CADM2: variants seen among roughly 807,000 people sequenced by gnomAD.
CADM2 encodes the protein cell adhesion molecule 2, also known as immunoglobulin superfamily member 4D.
Under a neutral mutation model 49.8 loss-of-function variants are expected in CADM2, and 12 were observed. That is an observed-to-expected ratio of 0.24 (90% CI 0.15 to 0.39). The LOEUF (loss-of-function observed/expected upper bound fraction) is 0.39. Among genes scored for constraint, CADM2 ranks in the 10% least tolerant of loss-of-function variants. The probability of loss-of-function intolerance (pLI) is 1.00; values close to 1 mark genes in which losing one functional copy is unlikely to be tolerated. For missense variants in CADM2, 378 were observed against 492.3 expected (o/e 0.77, Z 2.20); for synonymous variants, 214 against 175.4 (o/e 1.22, Z -1.74).
intron 1 of CADM2, among the ~76,000 whole-genome samples, chr3:85,601,703 A>C (rs2063412166): frequency 6.6e-6 from 1 of 150,910 alleles, no homozygotes; most frequent in Non-Finnish European, 1.5e-5. Flanking sequence ...TTTTTTTCCT[A>C]GCCCATATCC....
rs146894215 is a variant in CADM2, at chr3:85,367,012, A to G, written c.62-359510A>G. On this transcript the variant is annotated intron_variant, in intron 1 of 9. Coordinates refer to ENST00000383699, the MANE Select transcript of CADM2 (RefSeq NM_001167675.2). The stretch of plus-strand genomic sequence containing the variant: ...TGCATAGTGTTCTGAAATGTATTTT[A>G]ACTGATTTCTCAAATAAATATTTCT... 2.6e-5 allele frequency among the ~76,000 whole-genome samples: 4 copies of G among 152,160 alleles called. No individual in the cohort carries two copies. The East Asian group carries it at 7.7e-4, about 29-fold the overall frequency.
intron 1 of CADM2, among the ~76,000 whole-genome samples, chr3:84,986,922 C>T (rs1000677133): frequency 6.6e-6 from 1 of 151,422 alleles, no homozygotes; most frequent in African/African-American, 2.4e-5. Flanking sequence ...TGTGGTGGCG[C>T]ATACCTGTAA....
chr3:86,066,771 G>A lies in CADM2; in HGVS notation c.1203G>A (p.Glu401=), dbSNP rs761711447. The A allele has an allele frequency of 1.1e-5, 17 of 1,609,546 alleles. No homozygotes were observed. The African/African-American group carries it at 1.7e-4, about 16-fold the overall frequency. The change falls in exon 10 of 10, where the codon GAG becomes GAA. Residue 401 remains glutamate, a synonymous_variant. Transcript: ENST00000383699. ...AAGTCAATGCTGAAGAGAAAAAAGAGTATTTCATTTAAGATGCAGGCCAAG... is the reference window on the plus strand; with the variant it reads ...AAGTCAATGCTGAAGAGAAAAAAGAATATTTCATTTAAGATGCAGGCCAAG... ...GSQVNAEEKK[E]YFI is the part of the protein sequence containing the mutation.
chr3:85,253,379 GC>G (rs767689817), intron 1 of CADM2, among the ~76,000 whole-genome samples: 3 of 151,982 alleles, frequency 2.0e-5, no homozygotes, highest in Non-Finnish European at 4.4e-5. Context: ...AAATCCTATA[GC>G]TTAGTTTCTT....
chr3:85,994,705 A>C (rs557706814), intron 8 of CADM2: 1 of 152,356 alleles, frequency 6.6e-6, no homozygotes, highest in African/African-American at 2.4e-5. Flanking sequence ...TGTCTCAGGA[A>C]CTAGGGAGCC....
intron 1 of CADM2, among the ~76,000 whole-genome samples, chr3:85,615,226 A>G (rs906810736): frequency 1.1e-4 from 17 of 151,672 alleles, no homozygotes; most frequent in African/African-American, 3.9e-4. Context: ...GAGAGAGAGA[A>G]AGAGAGAAAG....
chr3:85,209,506 T>G (rs1328221430), intron 1 of CADM2, among the ~76,000 whole-genome samples: 1 of 152,148 alleles, frequency 6.6e-6, no homozygotes, highest in Non-Finnish European at 1.5e-5. Context: ...TTTCTCAAAT[T>G]TCTCTGGAAA....
intron 1 of CADM2, among the ~76,000 whole-genome samples, chr3:84,970,104 C>G (rs1424321616): frequency 7.2e-6 from 1 of 138,070 alleles, no homozygotes; most frequent in Non-Finnish European, 1.5e-5. Flanking sequence ...TCTGATTAGT[C>G]CCTGAAGTGA....
At chr3:85,948,345 A>G (rs893833523) in intron 7 of CADM2, among the ~76,000 whole-genome samples, 1 of 151,426 alleles carries the variant, frequency 6.6e-6, no homozygotes, top group Admixed American at 6.6e-5. Flanking sequence ...CGTAACATGT[A>G]TCATAAATTT....
chr3:85,099,973 T>C (rs1002745649), intron 1 of CADM2, among the ~76,000 whole-genome samples: 1 of 150,540 alleles, frequency 6.6e-6, no homozygotes, highest in Non-Finnish European at 1.5e-5. Flanking sequence ...TTCCATACTG[T>C]TTTTTTTTCC....
At chr3:85,125,754 G>A (rs2039013700) in intron 1 of CADM2, among the ~76,000 whole-genome samples, 1 of 152,216 alleles carries the variant, frequency 6.6e-6, no homozygotes, top group East Asian at 1.9e-4. Flanking sequence ...CATAACTGTA[G>A]CATCCTGGAT....
chr3:85,747,566 T>C (rs1404387254), intron 2 of CADM2, among the ~76,000 whole-genome samples: 1 of 152,126 alleles, frequency 6.6e-6, no homozygotes, highest in African/African-American at 2.4e-5. Flanking sequence ...TCAACCCATC[T>C]TGGCTGAGCT....
At chr3:85,553,256 A>G (rs2061860899) in intron 1 of CADM2, among the ~76,000 whole-genome samples, 1 of 151,926 alleles carries the variant, frequency 6.6e-6, no homozygotes, top group Non-Finnish European at 1.5e-5. Context: ...CTGCTTACCA[A>G]GCATCTACCA....
intron 1 of CADM2, among the ~76,000 whole-genome samples, chr3:85,101,271 CA>C (rs1256821239): frequency 6.6e-6 from 1 of 151,900 alleles, no homozygotes; most frequent in South Asian, 2.1e-4. Context: ...AACAAACAAA[CA>C]AAAAACAAAT....
chr3:85,545,803 A>C (rs1203639766), intron 1 of CADM2, among the ~76,000 whole-genome samples: 1 of 152,158 alleles, frequency 6.6e-6, no homozygotes, highest in Non-Finnish European at 1.5e-5. Flanking sequence ...CTAGGGAAAA[A>C]AGTAAACCTG....
intron 1 of CADM2, among the ~76,000 whole-genome samples, chr3:85,589,958 T>C (rs1043807624): frequency 1.3e-5 from 2 of 152,028 alleles, no homozygotes; most frequent in African/African-American, 4.8e-5. Flanking sequence ...GTGGTATTTC[T>C]ATGACTAGGT....
intron 1 of CADM2, among the ~76,000 whole-genome samples, chr3:85,592,671 A>C (rs895404197): frequency 6.6e-6 from 1 of 151,706 alleles, no homozygotes; most frequent in Admixed American, 6.6e-5. Context: ...TAACTTGAGA[A>C]ACTGCCTCAA....
At chr3:85,288,790 C>CCCG (rs1553704682) in intron 1 of CADM2, among the ~76,000 whole-genome samples, 1 of 132,600 alleles carries the variant, frequency 7.5e-6, no homozygotes, top group African/African-American at 2.6e-5. Context: ...ATATGCCCCC[C>CCCG]CCCCCTCTTT....
chr3:85,775,860 A>C (rs2070334367), intron 2 of CADM2, among the ~76,000 whole-genome samples: 1 of 151,944 alleles, frequency 6.6e-6, no homozygotes, highest in Admixed American at 6.6e-5. Context: ...TAGGTACTAA[A>C]TTACCTTTAA....
Sources: allele counts gnomAD v4.1 joint callset (sites outside exome capture counted in the v4.1 genomes callset), GRCh38; gene constraint gnomAD v4.1.1; transcripts MANE v1.5; gene names NCBI Gene and HGNC (gene_info 2026-07-23, HGNC 2026-07-21).